The following SEPTIN11 variants were observed in gnomAD, a reference collection of about 807,000 sequenced individuals.
The protein encoded by SEPTIN11 is septin 11.
Under a neutral mutation model 51.4 loss-of-function variants are expected in SEPTIN11, and 25 were observed. That is an observed-to-expected ratio of 0.49 (90% CI 0.35 to 0.68). SEPTIN11 has a LOEUF of 0.68. Ranked by LOEUF, SEPTIN11 falls within the 30% of genes least tolerant of loss-of-function variation. SEPTIN11 has a pLI of 0.00. For synonymous variants in SEPTIN11, 174 were observed against 184.1 expected (o/e 0.95, Z 0.44); for missense variants, 381 against 520.8 (o/e 0.73, Z 2.61).
intron 7 of SEPTIN11, among the ~76,000 whole-genome samples, chr4:77,025,522 G>A (rs889748004): frequency 6.6e-6 from 1 of 151,706 alleles, no homozygotes; most frequent in Non-Finnish European, 1.5e-5. Context: ...TCCAGCCTGG[G>A]TGAGACAGTA....
chr4:77,013,018 G>A (rs1532449), intron 4 of SEPTIN11, among the ~76,000 whole-genome samples: 4,163 of 152,246 alleles, frequency 0.027, 96 homozygotes, highest in East Asian at 0.091. Flanking sequence ...GGCCGCTTCC[G>A]GGTCTGTTGT....
Position 77,037,445 on chromosome 4 carries a change from T to C in SEPTIN11, c.*2933T>C. 1 of 985,396 alleles carries C rather than the reference T, an allele frequency of 1.0e-6. No homozygotes were observed. Among genetic ancestry groups the C allele is most frequent in the Non-Finnish European group, 1.2e-6 (1 of 829,912 alleles). 61.0% of individuals were successfully genotyped at this position (985,396 alleles called of 1,614,324 possible). On this transcript the variant is annotated 3_prime_UTR_variant, in exon 10 of 10. Coordinates refer to ENST00000264893, the MANE Select transcript of SEPTIN11 (RefSeq NM_018243.4). ...GGATAGCTCAGAGGGCCCTTGATTC[T>C]GGCAAGGCAAATAAAGCCAGAATGA... is the stretch of plus-strand genomic sequence containing the variant.
At chr4:76,950,856 TGAAAGGAGCGGAGCTGGGTGG>T (rs1721304966) in intron 1 of SEPTIN11, among the ~76,000 whole-genome samples, 1 of 152,194 alleles carries the variant, frequency 6.6e-6, no homozygotes, top group Admixed American at 6.5e-5. Flanking sequence ...TCCTTTTTTT[TGAAAGGAGCGGAGCTGGGTGG>T]GAAAGGCGGA....
intron 3 of SEPTIN11, among the ~76,000 whole-genome samples, chr4:77,006,111 A>G (rs1339218486): frequency 1.3e-5 from 2 of 152,130 alleles, no homozygotes; most frequent in Admixed American, 6.5e-5. Context: ...CAGGAAAAGC[A>G]ATCTAGAGAA....
In SEPTIN11 at chr4:77,002,729, G is replaced by A. The variant is rs576300657; in HGVS notation, c.143-2872G>A. ...GAACTTGTTAAACTCTTTCAGGTTA[G>A]GGAGCAGAGACTGGTTTTATATTGC... On this transcript the variant is annotated intron_variant, in intron 2 of 9. Transcript: ENST00000264893. Among the ~76,000 whole-genome samples the A allele has an allele frequency of 2.0e-5, 3 of 152,008 alleles. No individual in the cohort carries two copies. In the East Asian group the frequency reaches 5.8e-4, roughly 29 times the overall value.
At chr4:77,015,361 C>A (rs891917757) in intron 5 of SEPTIN11, among the ~76,000 whole-genome samples, 2 of 152,204 alleles carry the variant, frequency 1.3e-5, no homozygotes, top group African/African-American at 4.8e-5. Flanking sequence ...GGCAGAAATA[C>A]ATTAGCTTGT....
intron 1 of SEPTIN11, among the ~76,000 whole-genome samples, chr4:76,957,159 C>T (rs1721599151): frequency 6.6e-6 from 1 of 152,098 alleles, no homozygotes; most frequent in South Asian, 2.1e-4. Flanking sequence ...CTGTGCTGCT[C>T]TCTGATGACC....
chr4:77,036,352 A>T lies in SEPTIN11; in HGVS notation c.*1840A>T, dbSNP rs1727023488. On this transcript the variant is annotated 3_prime_UTR_variant, in exon 10 of 10. Coordinates refer to ENST00000264893, the MANE Select transcript of SEPTIN11 (RefSeq NM_018243.4). ...AGTAGCTGGCATGTTGATTCAAACC[A>T]TGGGCTGAATTTGCTCATAGGCTGT... The T allele has an allele frequency of 5.7e-6, 6 of 1,043,838 alleles. No individual in the cohort carries two copies. The highest frequency in any genetic ancestry group is 6.9e-6 in the Non-Finnish European group (6 of 865,868). The allele number at this position is 1,043,838 out of a possible 1,614,324, so 64.7% of individuals were successfully genotyped here. A position where few individuals can be genotyped will look rare whatever the true frequency, so the allele number is the denominator to read the frequency against.
In SEPTIN11 at chr4:76,959,366, G is replaced by A. The variant is rs189500546; in HGVS notation, c.27+9436G>A. Among the ~76,000 whole-genome samples, 625 of 151,126 alleles carry A rather than the reference G, an allele frequency of 4.1e-3. 3 individuals carry two copies. Among genetic ancestry groups the A allele is most frequent in the African/African-American group, 0.014 (595 of 41,132 alleles). On this transcript the variant is annotated intron_variant, in intron 1 of 9. Coordinates refer to ENST00000264893, the MANE Select transcript of SEPTIN11 (RefSeq NM_018243.4). ...TGGCCTCAAGTGATCCTCCTGTCTA[G>A]GCCTCCCAAAATGCTGAGGTTACAG...
intron 1 of SEPTIN11, chr4:76,995,752 T>A: frequency 6.9e-7 from 1 of 1,445,280 alleles, no homozygotes; most frequent in Non-Finnish European, 9.1e-7. Context: ...TATGTGATTT[T>A]AAAATGTATG....
At chr4:76,950,670 G>A (rs545448461) in intron 1 of SEPTIN11, among the ~76,000 whole-genome samples, 25 of 152,296 alleles carry the variant, frequency 1.6e-4, no homozygotes, top group African/African-American at 5.8e-4. Flanking sequence ...AGGAGAGTAG[G>A]AGGGAGGAGA....
intron 4 of SEPTIN11, among the ~76,000 whole-genome samples, 199 bp from the exon 5 acceptor site, chr4:77,014,657 A>AC (rs1268677268): frequency 8.4e-6 from 1 of 119,606 alleles, no homozygotes; most frequent in African/African-American, 3.5e-5. Flanking sequence ...TATCATCTCT[A>AC]CCCCAAAAAA....
intron 1 of SEPTIN11, among the ~76,000 whole-genome samples, chr4:76,953,330 T>G (rs1721421830): frequency 6.6e-6 from 1 of 152,230 alleles, no homozygotes; most frequent in Admixed American, 6.5e-5. Flanking sequence ...CAGACTTCAG[T>G]GTAAATGTGT....
At chr4:77,002,902 T>G (rs1268656563) in intron 2 of SEPTIN11, among the ~76,000 whole-genome samples, 2 of 152,194 alleles carry the variant, frequency 1.3e-5, no homozygotes, top group Non-Finnish European at 2.9e-5. Flanking sequence ...AGTGTCTGTT[T>G]TTATTCATTA....
chr4:76,975,706 A>G lies in SEPTIN11; in HGVS notation c.28-20719A>G, dbSNP rs116264088. ...TAGGTATGTGGTTGGAAAAGGAGGA[A>G]CTTATATACCCCTAAAAGGTTCTTG... On this transcript the variant is annotated intron_variant, in intron 1 of 9. Transcript: ENST00000264893. Among the ~76,000 whole-genome samples the G allele has an allele frequency of 8.0e-3, 1,220 of 152,288 alleles. 20 individuals carry two copies. The highest frequency in any genetic ancestry group is 0.028 in the African/African-American group (1,171 of 41,556).
intron 6 of SEPTIN11, among the ~76,000 whole-genome samples, chr4:77,019,821 G>T (rs922447987): frequency 6.6e-6 from 1 of 152,220 alleles, no homozygotes; most frequent in African/African-American, 2.4e-5. Flanking sequence ...GACATCCAGT[G>T]CTATGGATTA....
Position 76,949,800 on chromosome 4 carries a change from C to CCGCGAGGGAGG in SEPTIN11, c.-90_-80dup, listed in dbSNP as rs911610274. The CCGCGAGGGAGG allele has an allele frequency of 2.1e-4, 274 of 1,299,066 alleles. 3 individuals are homozygous for CCGCGAGGGAGG. Among genetic ancestry groups the CCGCGAGGGAGG allele is most frequent in the South Asian group, 9.2e-4 (69 of 75,242 alleles). 80.5% of individuals were successfully genotyped at this position (1,299,066 alleles called of 1,614,324 possible). A position where few individuals can be genotyped will look rare whatever the true frequency, so the allele number is the denominator to read the frequency against. On this transcript the variant is annotated 5_prime_UTR_variant, in exon 1 of 10. An upstream open reading frame in the 5' UTR loses its in-frame stop. Coordinates refer to ENST00000264893, the MANE Select transcript of SEPTIN11 (RefSeq NM_018243.4). ...CGGGACGCCGGCGAGCAGAGCGCAGCCGCGAGGGAGGCGCGAGGGAGGCGA... is the reference window on the plus strand; with the variant it reads ...CGGGACGCCGGCGAGCAGAGCGCAGCCGCGAGGGAGGCGCGAGGGAGGCGCGAGGGAGGCGA...
chr4:76,983,440 G>A (rs1020183063), intron 1 of SEPTIN11, among the ~76,000 whole-genome samples: 1 of 152,152 alleles, frequency 6.6e-6, no homozygotes, highest in African/African-American at 2.4e-5. Context: ...GCTTGGAAGA[G>A]GGTATTTCCC....
downstream of SEPTIN11, chr4:77,038,706 G>A (rs1727200166): frequency 1.0e-6 from 1 of 970,976 alleles, no homozygotes; most frequent in East Asian, 9.2e-5. Flanking sequence ...AGGGATAAGA[G>A]TCTCATGCTT....
Sources: allele counts gnomAD v4.1 joint callset (sites outside exome capture counted in the v4.1 genomes callset), GRCh38; gene constraint gnomAD v4.1.1; transcripts MANE v1.5; gene names NCBI Gene and HGNC (gene_info 2026-07-23, HGNC 2026-07-21).